Variants in ATOSB observed in about 807,000 individuals in gnomAD.
ATOSB encodes the protein atos homolog protein B.
the ATOSB span, among the ~76,000 whole-genome samples, chr9:35,111,767 T>C: frequency 2.0e-5 from 3 of 152,192 alleles, no homozygotes; most frequent in East Asian, 5.8e-4. Flanking sequence ...CGCCTATTGG[T>C]CCATAAGGGG....
chr9:35,108,574 C>T, the ATOSB span: 1 of 1,202,298 alleles, frequency 8.3e-7, no homozygotes, highest in Non-Finnish European at 1.0e-6. Flanking sequence ...ACACTTCCCC[C>T]TCTTCTCCCT....
chr9:35,106,194 C>T, the ATOSB span: 20 of 1,606,334 alleles, frequency 1.2e-5, no homozygotes, highest in Admixed American at 1.7e-4. This position sits in a 1 kb window ranked among gnomAD's most constrained non-coding sequence, Gnocchi z 4.6. Flanking sequence ...CCCCTGGCCC[C>T]GCCCCCAAAT....
chr9:35,108,251 C>A, the ATOSB span: 3 of 1,563,504 alleles, frequency 1.9e-6, no homozygotes, highest in Non-Finnish European at 2.6e-6. Flanking sequence ...AGGATGGAGA[C>A]GGCTCCGCCT....
chr9:35,106,138 C>T, the ATOSB span: 18 of 1,520,370 alleles, frequency 1.2e-5, no homozygotes, highest in Non-Finnish European at 1.5e-5. This position sits in a 1 kb window ranked among gnomAD's most constrained non-coding sequence, Gnocchi z 4.6. Flanking sequence ...CCTCACCTGG[C>T]CCTGACTCAC....
the ATOSB span, chr9:35,105,310 G>A: frequency 8.1e-6 from 13 of 1,613,962 alleles, no homozygotes; most frequent in African/African-American, 1.2e-4. The surrounding 1 kb of genome is among the most constrained non-coding windows in gnomAD (Gnocchi z 5.5). Context: ...TCCAGGCTCC[G>A]GCGGGAAAAA....
chr9:35,110,085 G>GA, the ATOSB span: 1 of 152,164 alleles, frequency 6.6e-6, no homozygotes, highest in Non-Finnish European at 1.5e-5. Flanking sequence ...CCCAGGGACT[G>GA]AAAAGCTCTC....
chr9:35,106,990 C>CT, the ATOSB span: 1 of 1,061,164 alleles, frequency 9.4e-7, no homozygotes, highest in Non-Finnish European at 1.4e-6. The surrounding 1 kb of genome is among the most constrained non-coding windows in gnomAD (Gnocchi z 4.6). Context: ...CCCTGCCCCC[C>CT]AGGCCTCCAC....
chr9:35,107,651 C>T, the ATOSB span: 3 of 1,606,462 alleles, frequency 1.9e-6, no homozygotes, highest in South Asian at 3.3e-5. Flanking sequence ...AGAGGCTACC[C>T]CCATTGCCCA....
chr9:35,108,319 G>A, the ATOSB span: 1 of 1,499,572 alleles, frequency 6.7e-7, no homozygotes, highest in Non-Finnish European at 8.8e-7. Flanking sequence ...CGGCCTTTAT[G>A]CTGGGCCTGG....
the ATOSB span, chr9:35,104,924 C>A: frequency 3.6e-6 from 1 of 278,684 alleles, no homozygotes; most frequent in Non-Finnish European, 6.6e-6. Context: ...AGGGAGGCAA[C>A]GCTGGCATAA....
chr9:35,108,285 T>C, the ATOSB span: 1 of 1,535,070 alleles, frequency 6.5e-7, no homozygotes, highest in Non-Finnish European at 8.7e-7. Context: ...GAAGCCCCCC[T>C]TGGGTCAGGG....
chr9:35,108,128 C>T, the ATOSB span: 8 of 1,569,206 alleles, frequency 5.1e-6, no homozygotes, highest in Non-Finnish European at 6.9e-6. Context: ...AGATGGATAC[C>T]TGGTAGACCC....
At chr9:35,106,151 C>T in the ATOSB span, 7 of 1,549,580 alleles carry the variant, frequency 4.5e-6, no homozygotes, top group Non-Finnish European at 6.2e-6. This position sits in a 1 kb window ranked among gnomAD's most constrained non-coding sequence, Gnocchi z 4.6. Flanking sequence ...TGACTCACTT[C>T]TAGGTGAGGA....
At chr9:35,108,085 T>G in the ATOSB span, 1 of 1,541,402 alleles carries the variant, frequency 6.5e-7, no homozygotes, top group African/African-American at 1.4e-5. Context: ...TTCAGGGCCC[T>G]ATGAGGCTCA....
chr9:35,105,282 G>C, the ATOSB span: 3 of 1,614,166 alleles, frequency 1.9e-6, no homozygotes, highest in Non-Finnish European at 2.5e-6. The surrounding 1 kb of genome is among the most constrained non-coding windows in gnomAD (Gnocchi z 5.5). Flanking sequence ...CAGTTCGTAG[G>C]GGAGCCCTGT....
chr9:35,115,730 C>T, the ATOSB span: 1 of 152,212 alleles, frequency 6.6e-6, no homozygotes, highest in Admixed American at 6.6e-5. Flanking sequence ...TCCCTCAACA[C>T]ACAGCAGTCT....
the ATOSB span, chr9:35,108,709 T>A: frequency 1.0e-6 from 1 of 995,408 alleles, no homozygotes; most frequent in Non-Finnish European, 1.2e-6. Context: ...CTGCCACCAT[T>A]CCGTGCAGCT....
the ATOSB span, chr9:35,106,191 C>T: frequency 1.9e-6 from 3 of 1,604,968 alleles, no homozygotes; most frequent in Non-Finnish European, 2.6e-6. The surrounding 1 kb of genome is among the most constrained non-coding windows in gnomAD (Gnocchi z 4.6). Flanking sequence ...TGCCCCCTGG[C>T]CCCGCCCCCA....
At chr9:35,106,782 C>G in the ATOSB span, 1 of 1,543,586 alleles carries the variant, frequency 6.5e-7, no homozygotes, top group Non-Finnish European at 8.8e-7. The surrounding 1 kb of genome is among the most constrained non-coding windows in gnomAD (Gnocchi z 4.6). Flanking sequence ...AGAGTACAGA[C>G]TTCTGCCCCC....
Sources: gnomAD v4.1 joint callset for allele counts (sites outside exome capture counted in the v4.1 genomes callset) on GRCh38, gnomAD v4.1.1 for gene constraint, Gnocchi (gnomAD v3.1) non-coding constraint, MANE v1.5 for transcripts, NCBI Gene and HGNC (gene_info 2026-07-23, HGNC 2026-07-21) for gene names.